Variants in NPAS3 observed in about 807,000 individuals in gnomAD.
NPAS3 encodes the protein neuronal PAS domain-containing protein 3.
A neutral mutation model predicts 73.1 loss-of-function variants in NPAS3; 14 were observed. That is an observed-to-expected ratio of 0.19 (90% CI 0.13 to 0.30). The LOEUF (loss-of-function observed/expected upper bound fraction) is 0.30, where lower values mean the gene tolerates loss of function less well. Among genes scored for constraint, NPAS3 ranks in the 10% least tolerant of loss-of-function variants. The pLI, the probability that NPAS3 is intolerant of heterozygous loss-of-function variation, is 1.00. For synonymous variants in NPAS3, 620 were observed against 541.5 expected (o/e 1.14, Z -2.01); for missense variants, 1,096 against 1,250.0 (o/e 0.88, Z 1.86).
At chr14:33,803,912 C>G (rs2063774629), downstream of NPAS3, 1 of 152,148 alleles carries the variant, frequency 6.6e-6, no homozygotes, top group African/African-American at 2.4e-5. Context: ...TAAAACGTTA[C>G]AAAGCGACAG....
At position 33,437,977 on chromosome 14, in the gene NPAS3, G is replaced by A. The variant is rs976005773; in HGVS notation, c.468+70709G>A. On this transcript the variant is annotated intron_variant, in intron 4 of 11. Coordinates refer to ENST00000356141, the Ensembl canonical transcript of NPAS3. ...AGTTGTTAAAGTGTACAACATTTAA[G>A]TTGGCTAGGAATTTTATAATGAAGA... Among the ~76,000 whole-genome samples the A allele has an allele frequency of 3.9e-5, 6 of 152,178 alleles. No homozygotes were observed. The South Asian group carries it at 6.2e-4, about 16-fold the overall frequency.
intron 2 of NPAS3, among the ~76,000 whole-genome samples, chr14:33,068,251 C>G (rs2041349394): frequency 6.6e-6 from 1 of 152,218 alleles, no homozygotes; most frequent in African/African-American, 2.4e-5. Context: ...TTAAAACTTA[C>G]CAGTGTAGCT....
chr14:33,489,766 G>T (rs1304488669), intron 4 of NPAS3, among the ~76,000 whole-genome samples: 2 of 152,154 alleles, frequency 1.3e-5, no homozygotes, highest in African/African-American at 4.8e-5. Flanking sequence ...CTCAGAATAG[G>T]GGGAGATGAT....
intron 2 of NPAS3, among the ~76,000 whole-genome samples, chr14:33,212,500 A>G (rs997796057): frequency 6.6e-6 from 1 of 152,140 alleles, no homozygotes; most frequent in Non-Finnish European, 1.5e-5. Flanking sequence ...GACCAGTGCT[A>G]TTTTAGAAAA....
intron 4 of NPAS3, among the ~76,000 whole-genome samples, chr14:33,434,854 A>AT (rs898211811): frequency 1.3e-5 from 2 of 152,216 alleles, no homozygotes; most frequent in Non-Finnish European, 2.9e-5. Flanking sequence ...TCTTCAGTAG[A>AT]TGATGCACCA....
At chr14:32,938,895 C>T (rs2035828085), upstream of NPAS3, among the ~76,000 whole-genome samples, 1 of 146,026 alleles carries the variant, frequency 6.8e-6, no homozygotes, top group African/African-American at 2.5e-5. Context: ...CGCCTGTCTC[C>T]GCGCCGGGCA....
Position 33,257,754 on chromosome 14 carries a change from G to T in NPAS3, c.385+42328G>T, listed in dbSNP as rs113538405. Among the ~76,000 whole-genome samples the T allele has an allele frequency of 9.0e-3, 1,367 of 152,180 alleles. 27 individuals carry two copies. Among genetic ancestry groups the T allele is most frequent in the African/African-American group, 0.032 (1,312 of 41,522 alleles). On this transcript the variant is annotated intron_variant, in intron 3 of 11. Coordinates refer to ENST00000356141, the Ensembl canonical transcript of NPAS3. Reference sequence around the variant, plus strand: ...GGAAAGACAGTTTATGACAATAAAAGTTACTCTCATTTCCATACCCCCAAG... The same window carrying T: ...GGAAAGACAGTTTATGACAATAAAATTTACTCTCATTTCCATACCCCCAAG...
At chr14:33,292,656 C>T (rs1181214656) in intron 3 of NPAS3, among the ~76,000 whole-genome samples, 3 of 152,100 alleles carry the variant, frequency 2.0e-5, no homozygotes, top group Admixed American at 6.6e-5. Context: ...CCTGCAAAGA[C>T]GACTTACCCA....
At chr14:33,670,148 G>A (rs2059571426) in intron 5 of NPAS3, among the ~76,000 whole-genome samples, 1 of 152,278 alleles carries the variant, frequency 6.6e-6, no homozygotes, top group Non-Finnish European at 1.5e-5. Context: ...GGATTCCCAT[G>A]GGAGCCAAAA....
At chr14:33,441,661 T>C (rs1196747873) in intron 4 of NPAS3, among the ~76,000 whole-genome samples, 2 of 152,232 alleles carry the variant, frequency 1.3e-5, no homozygotes, top group African/African-American at 4.8e-5. Context: ...GTTCTTGTAT[T>C]AGTCTGTTCT....
intron 2 of NPAS3, among the ~76,000 whole-genome samples, chr14:33,076,373 C>A (rs2041658520): frequency 6.6e-6 from 1 of 152,162 alleles, no homozygotes; most frequent in South Asian, 2.1e-4. Flanking sequence ...GTATAGACTT[C>A]TTGTTAGTTG....
intron 3 of NPAS3, among the ~76,000 whole-genome samples, chr14:33,281,593 T>C (rs888400962): frequency 3.3e-5 from 5 of 152,180 alleles, no homozygotes; most frequent in East Asian, 3.9e-4. Flanking sequence ...GATCGCGTCA[T>C]TGCACTCCAG....
At chr14:33,174,233 C>T (rs1411471769) in intron 2 of NPAS3, among the ~76,000 whole-genome samples, 2 of 152,186 alleles carry the variant, frequency 1.3e-5, no homozygotes, top group Non-Finnish European at 2.9e-5. Context: ...ATCCTATACA[C>T]TGCACATCAG....
Position 33,034,749 on chromosome 14 carries a change from T to G in NPAS3, c.51-21156T>G, listed in dbSNP as rs553722841. 8.5e-5 allele frequency among the ~76,000 whole-genome samples: 13 copies of G among 152,248 alleles called. No homozygotes were observed. In the South Asian group the frequency reaches 2.7e-3, roughly 32 times the overall value. ...TTCCTGGAACAGTTACAGATTATAG[T>G]ACTCTCAGAGAGCACCTAACGCAGT... On this transcript the variant is annotated intron_variant, in intron 1 of 11. Transcript: ENST00000356141.
At chr14:33,746,163 T>C in intron 7 of NPAS3, among the ~76,000 whole-genome samples, 1 of 147,036 alleles carries the variant, frequency 6.8e-6, no homozygotes, top group African/African-American at 2.6e-5. Flanking sequence ...TCATTCTTTT[T>C]TATTTTATTT....
At chr14:33,495,709 T>C (rs1286668486) in intron 4 of NPAS3, among the ~76,000 whole-genome samples, 1 of 152,138 alleles carries the variant, frequency 6.6e-6, no homozygotes, top group Non-Finnish European at 1.5e-5. Context: ...GTTGTGTTGA[T>C]CCCTTTACCA....
At chr14:33,319,745 C>T (rs2043356831) in intron 3 of NPAS3, among the ~76,000 whole-genome samples, 1 of 152,102 alleles carries the variant, frequency 6.6e-6, no homozygotes, top group African/African-American at 2.4e-5. Context: ...CACAGGACAA[C>T]CTCCCGCAAA....
At chr14:33,661,187 C>T (rs2059296749) in intron 5 of NPAS3, among the ~76,000 whole-genome samples, 1 of 151,380 alleles carries the variant, frequency 6.6e-6, no homozygotes, top group African/African-American at 2.4e-5. Flanking sequence ...ACCAGAACAG[C>T]TAATAGAAGA....
At chr14:33,552,480 T>A (rs1012486937) in intron 4 of NPAS3, among the ~76,000 whole-genome samples, 3 of 152,198 alleles carry the variant, frequency 2.0e-5, no homozygotes, top group African/African-American at 2.4e-5. Flanking sequence ...CCCTGGTGAA[T>A]ACTGAGTGAA....
Sources: gnomAD v4.1 joint callset for allele counts (sites outside exome capture counted in the v4.1 genomes callset) on GRCh38, gnomAD v4.1.1 for gene constraint, MANE v1.5 for transcripts, NCBI Gene and HGNC (gene_info 2026-07-23, HGNC 2026-07-21) for gene names.